Variants in KIF2A observed in about 807,000 individuals in gnomAD.
KIF2A encodes kinesin family member 2A.
In KIF2A, 22 loss-of-function variants were observed where a neutral mutation model predicts 100.2. That is an observed-to-expected ratio of 0.22 (90% confidence interval 0.16 to 0.31). KIF2A has a LOEUF of 0.31. Among genes scored for constraint, KIF2A ranks in the 10% least tolerant of loss-of-function variants. The pLI is 1.00. For missense variants in KIF2A, 495 were observed against 898.7 expected (o/e 0.55, Z 5.74); for synonymous variants, 268 against 285.9 (o/e 0.94, Z 0.63).
chr5:62,383,816 T>TAA (rs1464411756), intron 20 of KIF2A, among the ~76,000 whole-genome samples: 7 of 152,200 alleles, frequency 4.6e-5, no homozygotes, highest in African/African-American at 1.7e-4. Context: ...GCATTCAACT[T>TAA]AATTGACTTC....
chr5:62,379,215 C>T (rs1011305577), intron 19 of KIF2A, among the ~76,000 whole-genome samples: 2 of 152,160 alleles, frequency 1.3e-5, no homozygotes, highest in Admixed American at 1.3e-4. Flanking sequence ...AATCTTACAG[C>T]TGTTTATTGG....
chr5:62,308,747 C>T (rs1387655126), intron 1 of KIF2A, among the ~76,000 whole-genome samples: 1 of 152,004 alleles, frequency 6.6e-6, no homozygotes, highest in Non-Finnish European at 1.5e-5. Context: ...CAGAACGAAA[C>T]AGTGGTTACT....
At chr5:62,308,173 A>G (rs1294291911) in intron 1 of KIF2A, 2 of 339,746 alleles carry the variant, frequency 5.9e-6, no homozygotes, top group Non-Finnish European at 1.1e-5. Flanking sequence ...AAGATAAATT[A>G]TACCGCTTAG....
At chr5:62,325,215 C>G (rs1376693496) in intron 1 of KIF2A, among the ~76,000 whole-genome samples, 3 of 152,048 alleles carry the variant, frequency 2.0e-5, no homozygotes, top group African/African-American at 7.2e-5. Flanking sequence ...ACCTCCACCT[C>G]CTGGGTCAAG....
At chr5:62,351,243 A>C (rs1230236409) in intron 4 of KIF2A, among the ~76,000 whole-genome samples, 2 of 151,938 alleles carry the variant, frequency 1.3e-5, no homozygotes, top group Non-Finnish European at 2.9e-5. Context: ...TAAATAAATA[A>C]ATAAATAATA....
At chr5:62,343,833 A>T (rs1435156329) in intron 1 of KIF2A, among the ~76,000 whole-genome samples, 4 of 152,184 alleles carry the variant, frequency 2.6e-5, no homozygotes, top group African/African-American at 9.6e-5. Context: ...AAAGCTCCCT[A>T]GGAGTTTCTG....
chr5:62,380,651 A>G (rs960289396), intron 19 of KIF2A, among the ~76,000 whole-genome samples: 2 of 152,232 alleles, frequency 1.3e-5, no homozygotes, highest in Non-Finnish European at 2.9e-5. Context: ...TATATGTGAT[A>G]TAAGGTATTC....
intron 1 of KIF2A, among the ~76,000 whole-genome samples, chr5:62,343,725 A>G (rs1222138673): frequency 6.6e-6 from 1 of 152,208 alleles, no homozygotes; most frequent in Non-Finnish European, 1.5e-5. Context: ...TCTAAGTACA[A>G]GGCATTGGTA....
At chr5:62,382,607 G>A (rs1375985714) in intron 20 of KIF2A, among the ~76,000 whole-genome samples, 3 of 151,186 alleles carry the variant, frequency 2.0e-5, no homozygotes, top group Non-Finnish European at 1.5e-5. Context: ...CAAAAGTTTG[G>A]GATTTTTGGA....
At chr5:62,375,694 C>T (rs571998503) in intron 18 of KIF2A, among the ~76,000 whole-genome samples, 9 of 152,306 alleles carry the variant, frequency 5.9e-5, no homozygotes, top group African/African-American at 1.9e-4. Flanking sequence ...ATCACTGTTA[C>T]TAAAGCAGGG....
At chr5:62,317,084 T>C (rs2111792032) in intron 1 of KIF2A, among the ~76,000 whole-genome samples, 1 of 152,168 alleles carries the variant, frequency 6.6e-6, no homozygotes, top group Admixed American at 6.5e-5. Context: ...AGTTTCACTC[T>C]TGTTGCCCAG....
Position 62,361,228 on chromosome 5 carries a change from AT to A in KIF2A, c.873-10del. Reference sequence around the variant, plus strand: ...ATTGGTGACACATTCTGACTGATGCATTTTATTTTTAAGGTTTACTGCTAGA... The same window carrying A: ...ATTGGTGACACATTCTGACTGATGCATTTATTTTTAAGGTTTACTGCTAGA... On this transcript the variant is annotated splice_polypyrimidine_tract_variant and intron_variant, in intron 9 of 20. Transcript: ENST00000407818. 2.0e-6 allele frequency: 3 copies of A among 1,476,334 alleles called. No individual in the cohort carries two copies. Among genetic ancestry groups the A allele is most frequent in the Non-Finnish European group, 2.8e-6 (3 of 1,066,256 alleles). 91.5% of individuals were successfully genotyped at this position (1,476,334 alleles called of 1,614,324 possible).
At chr5:62,320,890 G>A (rs1746061066) in intron 1 of KIF2A, among the ~76,000 whole-genome samples, 1 of 151,832 alleles carries the variant, frequency 6.6e-6, no homozygotes, top group African/African-American at 2.4e-5. Flanking sequence ...ACATTTTTAT[G>A]ACAAACTGTA....
chr5:62,306,853 C>A (rs999313955), intron 1 of KIF2A: 9 of 363,414 alleles, frequency 2.5e-5, no homozygotes, highest in East Asian at 5.7e-5. Flanking sequence ...CTCCAGCCCC[C>A]CCCCGGGGAC....
Position 62,385,752 on chromosome 5 carries a change from G to A in KIF2A, c.*183G>A, listed in dbSNP as rs1246169108. On this transcript the variant is annotated 3_prime_UTR_variant, in exon 21 of 21. Transcript: ENST00000407818. ...TGTCTACAAAATGCTTCTAGTCCAGGAGGCACAACCAAGAACTGGGATTAA... is the reference window on the plus strand; with the variant it reads ...TGTCTACAAAATGCTTCTAGTCCAGAAGGCACAACCAAGAACTGGGATTAA... 1.8e-5 allele frequency: 10 copies of A among 568,124 alleles called. No homozygotes were observed. Among genetic ancestry groups the A allele is most frequent in the Non-Finnish European group, 1.6e-5 (5 of 314,472 alleles). The allele number at this position is 568,124 out of a possible 1,614,324, so 35.2% of individuals were successfully genotyped here. A position where few individuals can be genotyped will look rare whatever the true frequency, so the allele number is the denominator to read the frequency against.
intron 1 of KIF2A, among the ~76,000 whole-genome samples, chr5:62,312,677 A>C (rs1229819022): frequency 6.6e-6 from 1 of 152,260 alleles, no homozygotes; most frequent in Non-Finnish European, 1.5e-5. Flanking sequence ...AGATAAAGCA[A>C]TATTAGTGGT....
At chr5:62,309,147 G>A (rs1333360739) in intron 1 of KIF2A, among the ~76,000 whole-genome samples, 1 of 152,106 alleles carries the variant, frequency 6.6e-6, no homozygotes, top group Non-Finnish European at 1.5e-5. Flanking sequence ...TTTCTACGGA[G>A]CATATTTTAT....
At chr5:62,335,334 C>A (rs1454794546) in intron 1 of KIF2A, among the ~76,000 whole-genome samples, 1 of 152,190 alleles carries the variant, frequency 6.6e-6, no homozygotes, top group Non-Finnish European at 1.5e-5. Context: ...CGATCCTGCT[C>A]TGGAGTATTC....
chr5:62,363,610 G>T (rs1740918801), intron 13 of KIF2A, 85 bp from the exon 14 acceptor site: 3 of 1,205,106 alleles, frequency 2.5e-6, no homozygotes, highest in Non-Finnish European at 3.6e-6. Flanking sequence ...TGTTTTTGCT[G>T]CTGTTGTTTT....
Sources: allele counts gnomAD v4.1 joint callset (sites outside exome capture counted in the v4.1 genomes callset), GRCh38; gene constraint gnomAD v4.1.1; transcripts MANE v1.5; gene names NCBI Gene and HGNC (gene_info 2026-07-23, HGNC 2026-07-21).